FAM76A: variants seen among roughly 807,000 people sequenced by gnomAD.
FAM76A encodes family with sequence similarity 76 member A, also known as protein FAM76A.
Under a neutral mutation model 46.2 loss-of-function variants are expected in FAM76A, and 32 were observed. The observed-to-expected ratio is 0.69, with a 90% CI of 0.52 to 0.93. The LOEUF (loss-of-function observed/expected upper bound fraction) is 0.93. Among genes scored for constraint, FAM76A ranks in the 40% least tolerant of loss-of-function variants. The probability of loss-of-function intolerance (pLI) is 0.00; values close to 1 mark genes in which losing one functional copy is unlikely to be tolerated. For missense variants in FAM76A, 274 were observed against 361.5 expected (o/e 0.76, Z 1.96); for synonymous variants, 137 against 127.0 (o/e 1.08, Z -0.53).
intron 5 of FAM76A, among the ~76,000 whole-genome samples, chr1:27,747,315 A>G (rs781006580): frequency 1.4e-4 from 21 of 152,240 alleles, no homozygotes; most frequent in Non-Finnish European, 2.4e-4. Context: ...ACAAGCATTC[A>G]GTATTTAAGT....
chr1:27,727,629 G>T (rs900942842), intron 2 of FAM76A, 93 bp downstream of exon 2: 2 of 902,964 alleles, frequency 2.2e-6, no homozygotes, highest in African/African-American at 3.3e-5. Flanking sequence ...GCTATAATCA[G>T]TTGCATTGTA....
rs574311803 is a variant in FAM76A at position 27,743,773 on chromosome 1, A to T, written c.355-881A>T. ...GAGCAAGACCCTGTTTGGGGAAAAA[A>T]AAAAAAACGAACACCTGATTAGGTG... On this transcript the variant is annotated intron_variant, in intron 4 of 8. Coordinates refer to ENST00000373954, the MANE Select transcript of FAM76A (RefSeq NM_152660.3). Among the ~76,000 whole-genome samples, 4 of 152,068 alleles carry T rather than the reference A, an allele frequency of 2.6e-5. No individual in the cohort carries two copies. In the East Asian group the frequency reaches 7.7e-4, roughly 29 times the overall value.
At chr1:27,735,990 C>G (rs185395961) in intron 4 of FAM76A, among the ~76,000 whole-genome samples, 3 of 152,202 alleles carry the variant, frequency 2.0e-5, no homozygotes, top group African/African-American at 4.8e-5. Flanking sequence ...TCTACATGTT[C>G]ATAAACTTTA....
chr1:27,728,121 A>G (rs1261933668), intron 2 of FAM76A, among the ~76,000 whole-genome samples: 1 of 151,208 alleles, frequency 6.6e-6, no homozygotes, highest in African/African-American at 2.4e-5. Context: ...AAATTTTTAA[A>G]GTTCTTTTTA....
chr1:27,734,149 A>G lies in FAM76A; in HGVS notation c.320A>G (p.Gln107Arg). The change falls in exon 4 of 9, where the codon CAG (glutamine) becomes CGG (arginine). Residue 107 changes from glutamine to arginine, a missense_variant. Gln to Arg is a conservative substitution (Grantham distance 43). Coordinates refer to ENST00000373954, the MANE Select transcript of FAM76A (RefSeq NM_152660.3). ...PPYSCEQCKQ[Q>R]CAFDRKDDRK... ...TATTCTTGTGAACAGTGCAAGCAGC[A>G]GTGTGCATTTGACAGGAAAGATGAT... The G allele has an allele frequency of 6.3e-7, 1 of 1,595,274 alleles. No individual in the cohort carries two copies. Among genetic ancestry groups the G allele is most frequent in the South Asian group, 1.2e-5 (1 of 86,938 alleles).
chr1:27,739,696 G>A (rs572992994), intron 4 of FAM76A, among the ~76,000 whole-genome samples: 22 of 152,318 alleles, frequency 1.4e-4, no homozygotes, highest in Admixed American at 5.2e-4. Flanking sequence ...GCTGAGGTAG[G>A]AGGCTCACCT....
In FAM76A at chr1:27,726,165, C is replaced by T. The variant is rs555276308; in HGVS notation, c.81+4C>T. The T allele has an allele frequency of 2.3e-6, 3 of 1,280,744 alleles. No homozygotes were observed. The highest frequency in any genetic ancestry group is 2.0e-6 in the Non-Finnish European group (2 of 1,012,748). 79.3% of individuals were successfully genotyped at this position (1,280,744 alleles called of 1,614,324 possible). On this transcript the variant is annotated splice_donor_region_variant and intron_variant, in intron 1 of 8. Transcript: ENST00000373954. The stretch of plus-strand genomic sequence containing the variant: ...TCAGGGGCAGCAGCTGTGCAAGGTG[C>T]GCGGGCTGGGGCGGCGGCCGGGAAC...
intron 3 of FAM76A, among the ~76,000 whole-genome samples, chr1:27,733,370 T>C (rs745314413): frequency 6.6e-6 from 1 of 152,246 alleles, no homozygotes; most frequent in Non-Finnish European, 1.5e-5. Context: ...GTTTATGTAC[T>C]GATAATAGCA....
At chr1:27,732,210 G>A (rs187133843) in intron 2 of FAM76A, among the ~76,000 whole-genome samples, 7 of 152,246 alleles carry the variant, frequency 4.6e-5, no homozygotes, top group African/African-American at 1.2e-4. Flanking sequence ...CAGATGGATC[G>A]CTTGAGGTCA....
intron 1 of FAM76A, 28 bp from the exon 2 acceptor site, chr1:27,727,444 T>G: frequency 1.2e-6 from 2 of 1,607,974 alleles, no homozygotes; most frequent in African/African-American, 2.7e-5. Flanking sequence ...TGACTGCCTT[T>G]TAAAATTATA....
chr1:27,756,354 C>T (rs962956527), intron 7 of FAM76A, among the ~76,000 whole-genome samples: 1 of 151,848 alleles, frequency 6.6e-6, no homozygotes, highest in African/African-American at 2.4e-5. Context: ...GAGTCTCTGT[C>T]GCCCAGGCTC....
chr1:27,736,306 A>G (rs1468877964), intron 4 of FAM76A, among the ~76,000 whole-genome samples: 1 of 152,122 alleles, frequency 6.6e-6, no homozygotes, highest in Admixed American at 6.6e-5. Flanking sequence ...TGGGCAACAG[A>G]GCAAGACTTC....
intron 6 of FAM76A, among the ~76,000 whole-genome samples, chr1:27,749,660 C>T (rs1278340975): frequency 1.3e-5 from 2 of 152,196 alleles, no homozygotes; most frequent in African/African-American, 4.8e-5. Flanking sequence ...CCAGCTTCCC[C>T]TACACTAATT....
chr1:27,743,317 A>G (rs1255561994), intron 4 of FAM76A, among the ~76,000 whole-genome samples: 1 of 152,026 alleles, frequency 6.6e-6, no homozygotes, highest in Non-Finnish European at 1.5e-5. Flanking sequence ...CACCTGGCTA[A>G]TTTTTGTTGT....
chr1:27,726,200 A>G, intron 1 of FAM76A, 39 bp downstream of exon 1: 1 of 1,253,680 alleles, frequency 8.0e-7, no homozygotes, highest in Non-Finnish European at 1.0e-6. Flanking sequence ...CTGGGGACGC[A>G]GGAGGCGCGG....
At chr1:27,754,163 A>G (rs913984692) in intron 6 of FAM76A, among the ~76,000 whole-genome samples, 4 of 142,240 alleles carry the variant, frequency 2.8e-5, no homozygotes, top group South Asian at 2.2e-4. Context: ...CTGGAGTGCA[A>G]TGGCGCAATC....
chr1:27,754,136 C>T (rs766651727), intron 6 of FAM76A, among the ~76,000 whole-genome samples: 6 of 106,878 alleles, frequency 5.6e-5, no homozygotes, highest in Non-Finnish European at 1.1e-4. Flanking sequence ...GACGGAGTTT[C>T]GCTCTTGTTG....
intron 6 of FAM76A, among the ~76,000 whole-genome samples, chr1:27,752,730 T>A: frequency 6.6e-6 from 1 of 152,220 alleles, no homozygotes; most frequent in Non-Finnish European, 1.5e-5. Context: ...AGTACGAGCT[T>A]TTGTAAAAGA....
chr1:27,746,659 G>A (rs537233504), intron 5 of FAM76A, among the ~76,000 whole-genome samples: 11 of 152,194 alleles, frequency 7.2e-5, no homozygotes, highest in East Asian at 5.8e-4. Flanking sequence ...CCCAGGAGGC[G>A]GAGGTTGCAG....
Sources: gnomAD v4.1 joint callset for allele counts (sites outside exome capture counted in the v4.1 genomes callset) on GRCh38, gnomAD v4.1.1 for gene constraint, MANE v1.5 for transcripts, NCBI Gene and HGNC (gene_info 2026-07-23, HGNC 2026-07-21) for gene names.